NRXN3: variants seen among roughly 807,000 people sequenced by gnomAD.
The protein encoded by NRXN3 is neurexin 3.
Under a neutral mutation model 137.6 loss-of-function variants are expected in NRXN3, and 32 were observed. That is an observed-to-expected ratio of 0.23 (90% confidence interval 0.18 to 0.31). The LOEUF is 0.31. Among genes scored for constraint, NRXN3 ranks in the 10% least tolerant of loss-of-function variants. The probability of loss-of-function intolerance (pLI) is 1.00; values close to 1 mark genes in which losing one functional copy is unlikely to be tolerated. For missense variants in NRXN3, 1,574 were observed against 2,062.5 expected (o/e 0.76, Z 4.59); for synonymous variants, 798 against 784.5 (o/e 1.02, Z -0.29).
intron 1 of NRXN3, among the ~76,000 whole-genome samples, chr14:78,172,788 T>TA (rs956291963): frequency 1.3e-5 from 2 of 152,124 alleles, no homozygotes; most frequent in Admixed American, 6.6e-5. Context: ...AATAATAATT[T>TA]AAAAAAAATT....
intron 4 of NRXN3, among the ~76,000 whole-genome samples, chr14:78,496,116 C>T (rs981296373): frequency 2.6e-5 from 4 of 152,154 alleles, no homozygotes; most frequent in African/African-American, 9.7e-5. Flanking sequence ...GGATAGAGTC[C>T]CCAGGCATTG....
chr14:79,736,502 T>C (rs908739425), intron 19 of NRXN3, among the ~76,000 whole-genome samples: 6 of 152,168 alleles, frequency 3.9e-5, no homozygotes, highest in Admixed American at 2.6e-4. Context: ...AATACACAGG[T>C]CTATCAGTTA....
intron 8 of NRXN3, among the ~76,000 whole-genome samples, chr14:78,729,949 T>C (rs1329371911): frequency 6.6e-6 from 1 of 152,200 alleles, no homozygotes; most frequent in African/African-American, 2.4e-5. Context: ...TGGTTTATTA[T>C]CTGACAAATT....
At chr14:79,109,787 C>T (rs1305444485) in intron 15 of NRXN3, among the ~76,000 whole-genome samples, 2 of 152,094 alleles carry the variant, frequency 1.3e-5, no homozygotes, top group African/African-American at 4.8e-5. Flanking sequence ...TTATAAGTAT[C>T]GTTTGTCATG....
At chr14:79,715,934 G>A (rs1434016025) in intron 19 of NRXN3, among the ~76,000 whole-genome samples, 1 of 152,170 alleles carries the variant, frequency 6.6e-6, no homozygotes, top group East Asian at 1.9e-4. Flanking sequence ...GCGTTCCTCT[G>A]GCTTTGGACT....
At chr14:78,816,261 A>G (rs1309336967) in intron 10 of NRXN3, among the ~76,000 whole-genome samples, 1 of 152,152 alleles carries the variant, frequency 6.6e-6, no homozygotes, top group Non-Finnish European at 1.5e-5. Flanking sequence ...CTTCCCACTC[A>G]TCGTATTCCT....
intron 5 of NRXN3, among the ~76,000 whole-genome samples, chr14:78,650,736 G>A (rs1324871995): frequency 1.3e-5 from 2 of 152,110 alleles, no homozygotes; most frequent in Non-Finnish European, 1.5e-5. Flanking sequence ...AACAACCAAA[G>A]ACCAACCCCT....
At chr14:79,139,199 T>G (rs1348938176) in intron 15 of NRXN3, among the ~76,000 whole-genome samples, 1 of 152,194 alleles carries the variant, frequency 6.6e-6, no homozygotes, top group Non-Finnish European at 1.5e-5. Context: ...GAATGGTGGG[T>G]GTGTGATGAC....
chr14:78,541,992 C>A (rs112282776), intron 4 of NRXN3, among the ~76,000 whole-genome samples: 4 of 90,948 alleles, frequency 4.4e-5, no homozygotes, highest in Non-Finnish European at 8.4e-5. Flanking sequence ...TATTGCAGAA[C>A]AGCAAATACT....
chr14:79,663,564 C>G (rs2098544652), intron 16 of NRXN3, among the ~76,000 whole-genome samples: 2 of 152,114 alleles, frequency 1.3e-5, no homozygotes, highest in Middle Eastern at 3.4e-3. Context: ...TGCGGTGCAG[C>G]CTGTGAGAGC....
At chr14:78,898,373 A>G (rs1483804991) in intron 10 of NRXN3, among the ~76,000 whole-genome samples, 1 of 151,976 alleles carries the variant, frequency 6.6e-6, no homozygotes, top group Non-Finnish European at 1.5e-5. Flanking sequence ...ATTTCCACAG[A>G]GAACTTACAA....
intron 15 of NRXN3, among the ~76,000 whole-genome samples, chr14:79,047,409 A>C (rs1435006481): frequency 6.6e-6 from 1 of 152,194 alleles, no homozygotes; most frequent in Non-Finnish European, 1.5e-5. Context: ...CAAAAGCACT[A>C]AGTATATAAA....
At chr14:78,578,053 T>C (rs1026001985) in intron 4 of NRXN3, among the ~76,000 whole-genome samples, 5 of 152,310 alleles carry the variant, frequency 3.3e-5, no homozygotes, top group South Asian at 2.1e-4. Context: ...AATGTATATA[T>C]ATATATACAC....
chr14:79,054,718 A>C (rs2099653390), intron 15 of NRXN3, among the ~76,000 whole-genome samples: 1 of 152,152 alleles, frequency 6.6e-6, no homozygotes, highest in African/African-American at 2.4e-5. Context: ...GCCACTTACA[A>C]GCTTTCCTTT....
intron 10 of NRXN3, among the ~76,000 whole-genome samples, chr14:78,933,170 G>A (rs1395667647): frequency 6.6e-6 from 1 of 152,194 alleles, no homozygotes; most frequent in African/African-American, 2.4e-5. Flanking sequence ...TTGCCTGAGG[G>A]CAGGAGCAAT....
chr14:79,247,670 T>G (rs770073439), intron 15 of NRXN3, among the ~76,000 whole-genome samples: 2 of 152,178 alleles, frequency 1.3e-5, no homozygotes, highest in Non-Finnish European at 2.9e-5. Context: ...TTATTCTCTT[T>G]TATTTTCATT....
chr14:78,707,298 A>G (rs1047453097), intron 6 of NRXN3, among the ~76,000 whole-genome samples: 1 of 152,200 alleles, frequency 6.6e-6, no homozygotes, highest in African/African-American at 2.4e-5. Context: ...TAGAATTTGA[A>G]TAAGGTAATA....
At position 78,925,719 on chromosome 14, in the gene NRXN3, C is replaced by T. The variant is rs188473151; in HGVS notation, c.2276-31523C>T. 2.2e-3 allele frequency among the ~76,000 whole-genome samples: 340 copies of T among 152,224 alleles called. 5 individuals carry two copies. The highest frequency in any genetic ancestry group is 1.2e-3 in the East Asian group (6 of 5,170). Reference sequence around the variant, plus strand: ...AACCAATGAGATGATTCACAGCTTCCGCATGGAGCCATCTCTATATGCTAA... The same window carrying T: ...AACCAATGAGATGATTCACAGCTTCTGCATGGAGCCATCTCTATATGCTAA... On this transcript the variant is annotated intron_variant, in intron 10 of 20. Transcript: ENST00000335750.
chr14:79,698,539 T>C (rs1160018232), intron 19 of NRXN3, among the ~76,000 whole-genome samples: 1 of 152,054 alleles, frequency 6.6e-6, no homozygotes, highest in African/African-American at 2.4e-5. Flanking sequence ...AGTAGAAAAT[T>C]TGAAGGTTTG....
Sources: gnomAD v4.1 joint callset for allele counts (sites outside exome capture counted in the v4.1 genomes callset) on GRCh38, gnomAD v4.1.1 for gene constraint, MANE v1.5 for transcripts, NCBI Gene and HGNC (gene_info 2026-07-23, HGNC 2026-07-21) for gene names.